Variants in ALG1L2 observed in about 807,000 individuals in gnomAD.
ALG1L2 encodes ALG1 chitobiosyldiphosphodolichol beta-mannosyltransferase like 2, also known as putative glycosyltransferase ALG1L2.
In ALG1L2, 32 loss-of-function variants were observed where a neutral mutation model predicts 29.0. The ratio of observed to expected loss-of-function variants is 1.10; its 90% CI spans 0.83 to 1.48. The LOEUF (loss-of-function observed/expected upper bound fraction) is 1.48. Among genes scored for constraint, ALG1L2 ranks in the 40% most tolerant of loss-of-function variants. The pLI is 0.00. For missense variants in ALG1L2, 318 were observed against 274.1 expected, an observed-to-expected ratio of 1.16 and a Z score of -1.13; for synonymous variants, 110 against 109.5, an observed-to-expected ratio of 1.00 and a Z score of -0.03.
chr3:130,093,750 C>T (rs2108122318), intron 4 of ALG1L2, among the ~76,000 whole-genome samples: 1 of 152,282 alleles, frequency 6.6e-6, no homozygotes, highest in Middle Eastern at 3.4e-3. Flanking sequence ...AACCAAGCTT[C>T]TTTTAATTTT....
intron 6 of ALG1L2, among the ~76,000 whole-genome samples, chr3:130,096,366 T>C (rs1336071788): frequency 6.6e-6 from 1 of 152,130 alleles, no homozygotes; most frequent in Non-Finnish European, 1.5e-5. Context: ...AGAGCTCATG[T>C]TACATTTAGG....
intron 1 of ALG1L2, 78 bp from the exon 2 acceptor site, chr3:130,091,183 A>G: frequency 7.1e-7 from 1 of 1,401,922 alleles, no homozygotes; most frequent in South Asian, 1.2e-5. Flanking sequence ...TTGGGCATGG[A>G]ACCCAAATGA....
chr3:130,094,670 G>A (rs186875252), intron 5 of ALG1L2, among the ~76,000 whole-genome samples, 157 bp downstream of exon 5: 1 of 152,198 alleles, frequency 6.6e-6, no homozygotes, highest in Non-Finnish European at 1.5e-5. Flanking sequence ...CTACTTCCTG[G>A]TGTGCCAGCC....
Position 130,094,460 on chromosome 3 carries a change from A to G in ALG1L2, c.371A>G (p.His124Arg). 1 of 1,596,098 alleles carries G rather than the reference A, an allele frequency of 6.3e-7. No homozygotes were observed. Among genetic ancestry groups the G allele is most frequent in the Non-Finnish European group, 8.5e-7 (1 of 1,179,660 alleles). Residue 124 changes from histidine to arginine, a missense_variant, in exon 5 of 8, where the codon CAC becomes CGC. Coordinates refer to ENST00000425059, the MANE Select transcript of ALG1L2 (RefSeq NM_001136152.1). The part of the protein sequence containing the change: ...SRLIHQKHFQ[H>R]IQVCIPWLEG... Reference sequence around the variant, plus strand: ...CTCATCCACCAGAAGCATTTCCAGCACATCCAGGTCTGCATCCCCTGGCTG... The same window carrying G: ...CTCATCCACCAGAAGCATTTCCAGCGCATCCAGGTCTGCATCCCCTGGCTG...
At chr3:130,089,001 G>C (rs1443374442) in intron 1 of ALG1L2, among the ~76,000 whole-genome samples, 1 of 152,288 alleles carries the variant, frequency 6.6e-6, no homozygotes, top group African/African-American at 2.4e-5. Context: ...GTGATGTCCA[G>C]CTGGCAGAAG....
In ALG1L2 at chr3:130,094,737, C is replaced by T. The variant is rs188453751; in HGVS notation, c.424+224C>T. ...ACCAAGGGGTTTGAGGAAGCCACGT[C>T]CTTTCAGCCTGCCACGCCCTCCATT... On this transcript the variant is annotated intron_variant, in intron 5 of 7. Transcript: ENST00000425059. Among the ~76,000 whole-genome samples the T allele has an allele frequency of 6.4e-4, 98 of 152,314 alleles. 1 individual carries two copies. The highest frequency in any genetic ancestry group is 2.0e-3 in the African/African-American group (84 of 41,566).
Position 130,098,243 on chromosome 3 carries a change from C to A in ALG1L2, c.636C>A (p.Leu212=). 6.3e-7 allele frequency: 1 copy of A among 1,596,460 alleles called. No homozygotes were observed. The highest frequency in any genetic ancestry group is 8.5e-7 in the Non-Finnish European group (1 of 1,179,770). The change falls in exon 8 of 8, where the codon CTC becomes CTA. Residue 212 remains leucine, a synonymous_variant. Coordinates refer to ENST00000425059, the MANE Select transcript of ALG1L2 (RefSeq NM_001136152.1). ...AQLQYFADAF[L]KLS is the part of the protein sequence containing the mutation. ...TTCAGTATTTTGCAGATGCTTTTCT[C>A]AAACTTTCCTGATCCTGAAGGCAAG... is the stretch of plus-strand genomic sequence containing the variant.
chr3:130,095,189 C>A (rs1242443133), intron 5 of ALG1L2, among the ~76,000 whole-genome samples: 3 of 152,034 alleles, frequency 2.0e-5, no homozygotes, highest in Non-Finnish European at 4.4e-5. Context: ...CTCCACAACA[C>A]CTTGCTTATT....
Position 130,098,272 on chromosome 3 carries a change from A to T in ALG1L2, c.*17A>T, listed in dbSNP as rs748977023. ...CTTTCCTGATCCTGAAGGCAAGCTA[A>T]ACCAGTTCCGGAAGAACCTGCGGGA... On this transcript the variant is annotated 3_prime_UTR_variant, in exon 8 of 8. Coordinates refer to ENST00000425059, the MANE Select transcript of ALG1L2 (RefSeq NM_001136152.1). 1.3e-6 allele frequency: 2 copies of T among 1,596,332 alleles called. No homozygotes were observed. The highest frequency in any genetic ancestry group is 1.7e-6 in the Non-Finnish European group (2 of 1,179,778).
At chr3:130,090,697 C>A (rs1934996689) in intron 1 of ALG1L2, 1 of 155,054 alleles carries the variant, frequency 6.4e-6, no homozygotes, top group Non-Finnish European at 1.4e-5. Context: ...ACGCTAATAA[C>A]TTACCTTTCC....
rs1935083911 is a variant in ALG1L2 at position 130,094,329 on chromosome 3, G to T, written c.314-74G>T. 16 of 1,529,810 alleles carry T rather than the reference G, an allele frequency of 1.0e-5. No individual in the cohort carries two copies. The South Asian group carries it at 1.4e-4, about 14-fold the overall frequency. The allele number at this position is 1,529,810 out of a possible 1,614,324, so 94.8% of individuals were successfully genotyped here. A position where few individuals can be genotyped will look rare whatever the true frequency, so the allele number is the denominator to read the frequency against. ...TGGGAAAAGGATCCCTCCTAGGGGGGAGTGTCTTGGGCCTGGGGCTATGTG... is the reference window on the plus strand; with the variant it reads ...TGGGAAAAGGATCCCTCCTAGGGGGTAGTGTCTTGGGCCTGGGGCTATGTG... On this transcript the variant is annotated intron_variant, in intron 4 of 7. Coordinates refer to ENST00000425059, the MANE Select transcript of ALG1L2 (RefSeq NM_001136152.1).
intron 1 of ALG1L2, 122 bp from the exon 2 acceptor site, chr3:130,091,139 G>A (rs1171369090): frequency 1.1e-6 from 1 of 878,146 alleles, no homozygotes; most frequent in Non-Finnish European, 1.7e-6. Flanking sequence ...CAGGAAGAAG[G>A]AAATAAAGGT....
chr3:130,097,428 G>A (rs1935167002), intron 7 of ALG1L2, among the ~76,000 whole-genome samples, 178 bp downstream of exon 7: 1 of 152,210 alleles, frequency 6.6e-6, no homozygotes, highest in Admixed American at 6.5e-5. Flanking sequence ...TTTCGGTACA[G>A]TAGGCTCGGT....
rs1176530668 is a variant in ALG1L2 at position 130,082,462 on chromosome 3, C to G, written c.20+426C>G. Among the ~76,000 whole-genome samples the G allele has an allele frequency of 1.4e-4, 18 of 133,180 alleles. 1 individual carries two copies. Among genetic ancestry groups the G allele is most frequent in the African/African-American group, 4.6e-4 (18 of 39,430 alleles). 87.4% of individuals were successfully genotyped at this position (133,180 alleles called of 152,430 possible). ...AAGTGATTCTCCTGCCTCAGCCTCC[C>G]AAGTAGCTGGGACTACAGCCACCTG... is the stretch of plus-strand genomic sequence containing the variant. On this transcript the variant is annotated intron_variant, in intron 1 of 7. Coordinates refer to ENST00000425059, the MANE Select transcript of ALG1L2 (RefSeq NM_001136152.1).
intron 2 of ALG1L2, chr3:130,091,634 A>C: frequency 3.5e-6 from 2 of 574,274 alleles, no homozygotes; most frequent in Non-Finnish European, 6.2e-6. Context: ...TGAAGTATTT[A>C]CTCTCTGACC....
chr3:130,095,492 A>ATGG (rs1220083793), intron 5 of ALG1L2, among the ~76,000 whole-genome samples: 2 of 151,532 alleles, frequency 1.3e-5, no homozygotes, highest in Non-Finnish European at 2.9e-5. Flanking sequence ...CTGGAGTGCA[A>ATGG]TGGTGCGATC....
chr3:130,098,096 G>A (rs1935184076), intron 7 of ALG1L2, 127 bp from the exon 8 acceptor site: 1 of 1,282,934 alleles, frequency 7.8e-7, no homozygotes, highest in African/African-American at 1.5e-5. Flanking sequence ...GGTGTGAAGG[G>A]TCTCAAGTCC....
rs7619672 is a variant in ALG1L2 at position 130,082,263 on chromosome 3, G to T, written c.20+227G>T. Among the ~76,000 whole-genome samples, 1,131 of 131,676 alleles carry T rather than the reference G, an allele frequency of 8.6e-3. 5 individuals carry two copies. Among genetic ancestry groups the T allele is most frequent in the African/African-American group, 0.028 (1,073 of 38,596 alleles). 86.4% of individuals were successfully genotyped at this position (131,676 alleles called of 152,430 possible). On this transcript the variant is annotated intron_variant, in intron 1 of 7. Transcript: ENST00000425059. ...GGCCTGTGTAGTCACACAGGGTCCC[G>T]AGCTGAGAGGGACCCCGAGCTTGGC...
chr3:130,084,723 G>C (rs201793386), intron 1 of ALG1L2, among the ~76,000 whole-genome samples: 6 of 124,110 alleles, frequency 4.8e-5, no homozygotes, highest in East Asian at 2.2e-4. Context: ...GAGATGAAGG[G>C]ATTGTCAGGG....
Sources: gnomAD v4.1 joint callset for allele counts (sites outside exome capture counted in the v4.1 genomes callset) on GRCh38, gnomAD v4.1.1 for gene constraint, MANE v1.5 for transcripts, NCBI Gene and HGNC (gene_info 2026-07-23, HGNC 2026-07-21) for gene names.